The following FUT1 variants were observed in gnomAD, a reference collection of about 807,000 sequenced individuals.
The protein encoded by FUT1 is fucosyltransferase 1 (H blood group), also known as galactoside alpha-(1,2)-fucosyltransferase 1.
For missense variants in FUT1, 476 were observed against 492.7 expected, an observed-to-expected ratio of 0.97 and a Z score of 0.32; for synonymous variants, 215 against 208.7, an observed-to-expected ratio of 1.03 and a Z score of -0.26.
chr19:48,751,129 T>C lies in FUT1; in HGVS notation c.153A>G (p.Pro51=), dbSNP rs1445193821. 2 of 1,613,642 alleles carry C rather than the reference T, an allele frequency of 1.2e-6. No homozygotes were observed. The highest frequency in any genetic ancestry group is 1.7e-5 in the Admixed American group (1 of 59,986). The change falls in exon 2 of 2, where the codon CCA becomes CCG. Residue 51 remains proline, a synonymous_variant. Transcript: ENST00000645652. Reference sequence around the variant, plus strand: ...TACCCGGCAGGCAGAAGATGGCCACTGGGGGTGTCACCAGGCGGCGGTCTG... The same window carrying C: ...TACCCGGCAGGCAGAAGATGGCCACCGGGGGTGTCACCAGGCGGCGGTCTG... The part of the protein sequence containing the change: ...LCPDRRLVTP[P]VAIFCLPGTA...
chr19:48,750,305 G>A lies in FUT1; in HGVS notation c.977C>T (p.Ala326Val). 6.2e-7 allele frequency: 1 copy of A among 1,614,162 alleles called. No individual in the cohort carries two copies. The highest frequency in any genetic ancestry group is 1.3e-5 in the African/African-American group (1 of 75,054). The change falls in exon 2 of 2, where the codon GCC becomes GTC. Residue 326 changes from alanine (A) to valine (V), a missense_variant. By Grantham distance (64) the Ala-to-Val change is moderately conservative (BLOSUM62 0). Transcript: ENST00000645652. ...YLAGGDTVYLANFTLPDSEFL... is the reference protein window; with the variant it reads ...YLAGGDTVYLVNFTLPDSEFL... The stretch of plus-strand genomic sequence containing the variant: ...CTCAGAGTCTGGCAGGGTGAAGTTG[G>A]CCAGGTAGACAGTGTCTCCGCCAGC...
rs753519856 is a variant in FUT1, at chr19:48,750,523, G to A, written c.759C>T (p.His253=). The change falls in exon 2 of 2, where the codon CAC becomes CAT. Residue 253 remains histidine, a synonymous_variant. Coordinates refer to ENST00000645652, the MANE Select transcript of FUT1 (RefSeq NM_001384359.1). ...TGGTGACCACGAAAACGGGGGCTTCGTGCCGTGCCCGGAACCAGTCCATGG... is the reference window on the plus strand; with the variant it reads ...TGGTGACCACGAAAACGGGGGCTTCATGCCGTGCCCGGAACCAGTCCATGG... ...RQAMDWFRAR[H]EAPVFVVTSN... 32 of 1,613,524 alleles carry A rather than the reference G, an allele frequency of 2.0e-5. No individual in the cohort carries two copies. Among genetic ancestry groups the A allele is most frequent in the Non-Finnish European group, 2.4e-5 (28 of 1,180,046 alleles).
intron 1 of FUT1, 87 bp from the exon 2 acceptor site, chr19:48,751,370 G>A: frequency 7.3e-7 from 1 of 1,376,490 alleles, no homozygotes; most frequent in Non-Finnish European, 1.0e-6. Context: ...GAGGCGCCTG[G>A]GGTGCAGCAC....
chr19:48,752,134 AG>A lies in FUT1; in HGVS notation c.-3+355del, dbSNP rs373784117. On this transcript the variant is annotated intron_variant, in intron 1 of 1. Coordinates refer to ENST00000645652, the MANE Select transcript of FUT1 (RefSeq NM_001384359.1). This position sits in a 1 kb window ranked among gnomAD's most constrained non-coding sequence, Gnocchi z 4.3. ...TAAAAAAAAAAAAAAAAAAAAAAAAAGAAAGTGGTCCAGGTTCCTACACCTT... is the reference window on the plus strand; with the variant it reads ...TAAAAAAAAAAAAAAAAAAAAAAAAAAAAGTGGTCCAGGTTCCTACACCTT... Among the ~76,000 whole-genome samples the A allele has an allele frequency of 7.2e-6, 1 of 139,596 alleles. No homozygotes were observed. The highest frequency in any genetic ancestry group is 2.1e-4 in the East Asian group (1 of 4,756). The allele number at this position is 139,596 out of a possible 152,430, so 91.6% of individuals were successfully genotyped here.
intron 1 of FUT1, 83 bp from the exon 2 acceptor site, chr19:48,751,366 C>T (rs1012176348): frequency 7.0e-7 from 1 of 1,431,130 alleles, no homozygotes; most frequent in Non-Finnish European, 9.7e-7. Context: ...AAGGGAGGCG[C>T]CTGGGGTGCA....
chr19:48,753,321 A>G (rs2034034046), upstream of FUT1: 1 of 152,360 alleles, frequency 6.6e-6, no homozygotes, highest in East Asian at 1.9e-4. Context: ...GCTACTTTCC[A>G]GACCTGCACT....
In FUT1 at chr19:48,750,894, C is replaced by T. The variant is rs368762099; in HGVS notation, c.388G>A (p.Val130Met). ...LAPVFRITLPVLAPEVDSRTP... is the reference protein window; with the variant it reads ...LAPVFRITLPMLAPEVDSRTP... Reference sequence around the variant, plus strand: ...CGGCTGTCCACTTCTGGGGCCAGCACGGGCAGGGTGATGCGGAATACCGGG... The same window carrying T: ...CGGCTGTCCACTTCTGGGGCCAGCATGGGCAGGGTGATGCGGAATACCGGG... Residue 130 changes from valine to methionine, a missense_variant, in exon 2 of 2, where the codon GTG (valine) becomes ATG (methionine). Val to Met is a conservative substitution (Grantham distance 21). Coordinates refer to ENST00000645652, the MANE Select transcript of FUT1 (RefSeq NM_001384359.1). 4.3e-6 allele frequency: 7 copies of T among 1,613,542 alleles called. No individual in the cohort carries two copies. Among genetic ancestry groups the T allele is most frequent in the South Asian group, 1.1e-5 (1 of 91,080 alleles).
chr19:48,753,862 C>T (rs1471372860), upstream of FUT1, among the ~76,000 whole-genome samples: 1 of 152,174 alleles, frequency 6.6e-6, no homozygotes, highest in Non-Finnish European at 1.5e-5. Flanking sequence ...CTTCTCTGCA[C>T]TTATAAGAAA....
In FUT1 at chr19:48,749,614, C is replaced by CAA. The variant is rs150453456; in HGVS notation, c.*568_*569dup. 52 of 105,516 alleles carry CAA rather than the reference C, an allele frequency of 4.9e-4. No individual in the cohort carries two copies. The highest frequency in any genetic ancestry group is 1.6e-3 in the South Asian group (5 of 3,138). 6.5% of individuals were successfully genotyped at this position (105,516 alleles called of 1,614,324 possible). On this transcript the variant is annotated 3_prime_UTR_variant, in exon 2 of 2. Coordinates refer to ENST00000645652, the MANE Select transcript of FUT1 (RefSeq NM_001384359.1). ...GGGCAACAGAGCGAGACCCTGTCTC[C>CAA]AAAAAAAAAAAAAAAAAACTAAAAA...
chr19:48,754,326 G>C (rs1283234530), upstream of FUT1, among the ~76,000 whole-genome samples: 3 of 152,166 alleles, frequency 2.0e-5, no homozygotes, highest in Non-Finnish European at 2.9e-5. Context: ...GGATGACTGC[G>C]GGCAGGCCTA....
At chr19:48,753,941 T>C (rs1352497627), upstream of FUT1, among the ~76,000 whole-genome samples, 1 of 152,084 alleles carries the variant, frequency 6.6e-6, no homozygotes, top group East Asian at 1.9e-4. Context: ...TCCCAGCACT[T>C]TGGGAGGCTG....
chr19:48,750,075 CCATTT>C lies in FUT1; in HGVS notation c.*104_*108del. 1 of 1,301,708 alleles carries C rather than the reference CCATTT, an allele frequency of 7.7e-7. No individual in the cohort carries two copies. The highest frequency in any genetic ancestry group is 1.1e-6 in the Non-Finnish European group (1 of 933,454). The allele number at this position is 1,301,708 out of a possible 1,614,324, so 80.6% of individuals were successfully genotyped here. On this transcript the variant is annotated 3_prime_UTR_variant, in exon 2 of 2. Transcript: ENST00000645652. ...CTAGAATCACTCTGGATACGGGCACCCATTTGCTTCAGGAACACCACAAGCTTCTC... is the reference window on the plus strand; with the variant it reads ...CTAGAATCACTCTGGATACGGGCACCGCTTCAGGAACACCACAAGCTTCTC...
At position 48,750,361 on chromosome 19, in the gene FUT1, A is replaced by G; in HGVS notation, c.921T>C (p.Ile307=). 1.2e-6 allele frequency: 2 copies of G among 1,614,202 alleles called. No individual in the cohort carries two copies. Among genetic ancestry groups the G allele is most frequent in the Non-Finnish European group, 1.7e-6 (2 of 1,180,040 alleles). The part of the protein sequence containing the change: ...LTQCNHTIMT[I]GTFGFWAAYL... ...AGGCAGCCCAGAAGCCGAAGGTGCCAATGGTCATAATGGTGTGGTTGCACT... is the reference window on the plus strand; with the variant it reads ...AGGCAGCCCAGAAGCCGAAGGTGCCGATGGTCATAATGGTGTGGTTGCACT... Residue 307 remains isoleucine, a synonymous_variant, in exon 2 of 2, where the codon ATT becomes ATC. Transcript: ENST00000645652.
In FUT1 at chr19:48,751,042, G is replaced by A. The variant is rs570462836; in HGVS notation, c.240C>T (p.Thr80=). 14 of 1,597,856 alleles carry A rather than the reference G, an allele frequency of 8.8e-6. No individual in the cohort carries two copies. Among genetic ancestry groups the A allele is most frequent in the Admixed American group, 8.4e-5 (5 of 59,298 alleles). Residue 80 remains threonine (T), a synonymous_variant, in exon 2 of 2, where the codon ACC becomes ACT. Coordinates refer to ENST00000645652, the MANE Select transcript of FUT1 (RefSeq NM_001384359.1). ...ACCGGCCATTGGGGTAGACAGTCCA[G>A]GTGCCGGAGAGGGAAGCAGGGTGCT... is the stretch of plus-strand genomic sequence containing the variant. The part of the protein sequence containing the change: ...CPQHPASLSG[T]WTVYPNGRFG...
Position 48,750,710 on chromosome 19 carries a change from A to C in FUT1, c.572T>G (p.Leu191Arg). The C allele has an allele frequency of 6.2e-7, 1 of 1,613,494 alleles. No individual in the cohort carries two copies. The highest frequency in any genetic ancestry group is 8.5e-7 in the Non-Finnish European group (1 of 1,179,990). ...CAGCACACTCTGCGCCTCTTCCCGA[A>C]GGTGGTCGTGCAGGGTGAACTCTCT... ...IRREFTLHDHLREEAQSVLGQ... is the reference protein window; with the variant it reads ...IRREFTLHDHRREEAQSVLGQ... Residue 191 changes from leucine to arginine, a missense_variant, in exon 2 of 2, where the codon CTT becomes CGT. Coordinates refer to ENST00000645652, the MANE Select transcript of FUT1 (RefSeq NM_001384359.1).
Position 48,752,395 on chromosome 19 carries a change from G to C in FUT1, c.-3+95C>G. 1.3e-6 allele frequency: 1 copy of C among 789,920 alleles called. No homozygotes were observed. The highest frequency in any genetic ancestry group is 1.5e-6 in the Non-Finnish European group (1 of 651,050). 48.9% of individuals were successfully genotyped at this position (789,920 alleles called of 1,614,324 possible). A position where few individuals can be genotyped will look rare whatever the true frequency, so the allele number is the denominator to read the frequency against. ...GTGGCGGAGATTCCTAGGGCCTTAG[G>C]AAGACCTGGAGAAGAGGTTGGGGGT... On this transcript the variant is annotated intron_variant, in intron 1 of 1. Coordinates refer to ENST00000645652, the MANE Select transcript of FUT1 (RefSeq NM_001384359.1). This position sits in a 1 kb window ranked among gnomAD's most constrained non-coding sequence, Gnocchi z 4.3.
Position 48,750,416 on chromosome 19 carries a change from G to T in FUT1, c.866C>A (p.Thr289Lys). The T allele has an allele frequency of 1.2e-6, 2 of 1,614,238 alleles. No individual in the cohort carries two copies. The highest frequency in any genetic ancestry group is 1.3e-5 in the African/African-American group (1 of 75,058). ...GAGCAGGGCAAAGTCTTTCCACGGT[G>T]TAGCCTCCTGTCCATCGCCAGCAAA... Reference protein sequence around the residue: ...VTFAGDGQEATPWKDFALLTQ... With the variant: ...VTFAGDGQEAKPWKDFALLTQ... The change falls in exon 2 of 2, where the codon ACA becomes AAA. Residue 289 changes from threonine (T) to lysine (K), a missense_variant. Physicochemically the swap from Thr to Lys is moderately conservative, Grantham distance 78. Transcript: ENST00000645652.
chr19:48,750,443 G>A lies in FUT1; in HGVS notation c.839C>T (p.Thr280Met), dbSNP rs748679094. The part of the protein sequence containing the change: ...ENIDTSQGDV[T>M]FAGDGQEATP... ...AGCCTCCTGTCCATCGCCAGCAAAC[G>A]TCACATCGCCCTGGGAGGTGTCGAT... is the stretch of plus-strand genomic sequence containing the variant. The change falls in exon 2 of 2, where the codon ACG becomes ATG. Residue 280 changes from threonine (T) to methionine (M), a missense_variant. By Grantham distance (81) the Thr-to-Met change is moderately conservative. Transcript: ENST00000645652. 1.9e-6 allele frequency: 3 copies of A among 1,614,238 alleles called. No homozygotes were observed. Among genetic ancestry groups the A allele is most frequent in the South Asian group, 2.2e-5 (2 of 91,090 alleles).
chr19:48,750,410 C>CA lies in FUT1; in HGVS notation c.871dup (p.Trp291LeufsTer44). 6.2e-7 allele frequency: 1 copy of CA among 1,614,208 alleles called. No individual in the cohort carries two copies. Among genetic ancestry groups the CA allele is most frequent in the Non-Finnish European group, 8.5e-7 (1 of 1,180,036 alleles). On this transcript the variant is annotated frameshift_variant, in exon 2 of 2. Coordinates refer to ENST00000645652, the MANE Select transcript of FUT1 (RefSeq NM_001384359.1). LOFTEE classifies it high-confidence loss of function. ...CTGTGTGAGCAGGGCAAAGTCTTTC[C>CA]ACGGTGTAGCCTCCTGTCCATCGCC...
Sources: allele counts gnomAD v4.1 joint callset (sites outside exome capture counted in the v4.1 genomes callset), GRCh38; gene constraint gnomAD v4.1.1; non-coding constraint Gnocchi (gnomAD v3.1); transcripts MANE v1.5; gene names NCBI Gene and HGNC (gene_info 2026-07-23, HGNC 2026-07-21).